The following KCTD7 variants were observed in gnomAD, a reference collection of about 807,000 sequenced individuals.
KCTD7 encodes BTB/POZ domain-containing protein KCTD7.
KCTD7 carries 15 observed loss-of-function variants against 27.0 expected under a neutral mutation model. The observed-to-expected ratio is 0.56, with a 90% confidence interval of 0.37 to 0.86. The LOEUF (loss-of-function observed/expected upper bound fraction) is 0.86. Ranked by LOEUF, KCTD7 falls within the 40% of genes least tolerant of loss-of-function variation. The pLI, the probability that KCTD7 is intolerant of heterozygous loss-of-function variation, is 0.00. For missense variants in KCTD7, 299 were observed against 398.9 expected (o/e 0.75, Z 2.13); for synonymous variants, 159 against 162.7 (o/e 0.98, Z 0.17).
Position 66,629,110 on chromosome 7 carries a change from G to T in KCTD7, c.46G>T (p.Gly16Cys), listed in dbSNP as rs1450028260. The change falls in exon 1 of 4, where the codon GGT becomes TGT. Residue 16 changes from glycine (G) to cysteine (C), a missense_variant. By Grantham distance (159) the Gly-to-Cys change is radical. Coordinates refer to ENST00000639828, the MANE Select transcript of KCTD7 (RefSeq NM_153033.5). ...GGAGCCAGACAGCCGTCGTCAGGAC[G>T]GTGCCATGTCCAGCTCTGACGCCGA... ...GREPDSRRQD[G>C]AMSSSDAEDD... The T allele has an allele frequency of 1.9e-6, 3 of 1,542,878 alleles. No individual in the cohort carries two copies. The Admixed American group carries it at 5.9e-5, about 30-fold the overall frequency.
At chr7:66,638,709 C>T in intron 3 of KCTD7, 147 bp from the exon 4 acceptor site, 8 of 998,142 alleles carry the variant, frequency 8.0e-6, no homozygotes, top group Non-Finnish European at 1.2e-5. Context: ...AAGTTTGTGC[C>T]CTTCATTGGC....
intron 2 of KCTD7, among the ~76,000 whole-genome samples, chr7:66,635,139 A>G (rs753814755): frequency 2.6e-5 from 4 of 151,718 alleles, no homozygotes; most frequent in Non-Finnish European, 5.9e-5. Flanking sequence ...CAGTTTCCCA[A>G]GTAGCTGGGA....
Position 66,634,113 on chromosome 7 carries a change from CATAT to C in KCTD7, c.314+690_314+693del, listed in dbSNP as rs3069693. ...ATATGTATATATGGGTGTGTGTATA[CATAT>C]ATATATATATATATATATATGTATA... On this transcript the variant is annotated intron_variant, in intron 2 of 3. Transcript: ENST00000639828. Among the ~76,000 whole-genome samples the C allele has an allele frequency of 3.1e-3, 416 of 132,242 alleles. 3 individuals carry two copies. The highest frequency in any genetic ancestry group is 8.8e-3 in the South Asian group (38 of 4,336). 86.8% of individuals were successfully genotyped at this position (132,242 alleles called of 152,430 possible). A position where few individuals can be genotyped will look rare whatever the true frequency, so the allele number is the denominator to read the frequency against.
chr7:66,634,630 A>G (rs1270172242), intron 2 of KCTD7, among the ~76,000 whole-genome samples: 3 of 152,168 alleles, frequency 2.0e-5, no homozygotes, highest in African/African-American at 7.2e-5. Flanking sequence ...CAACATGGAG[A>G]GTACCTTTAG....
Position 66,633,384 on chromosome 7 carries a change from A to T in KCTD7, c.254A>T (p.His85Leu). The T allele has an allele frequency of 1.9e-6, 3 of 1,614,118 alleles. No individual in the cohort carries two copies. Among genetic ancestry groups the T allele is most frequent in the Non-Finnish European group, 1.7e-6 (2 of 1,180,010 alleles). The change falls in exon 2 of 4, where the codon CAC (histidine) becomes CTC (leucine). Residue 85 changes from histidine to leucine, a missense_variant. Transcript: ENST00000639828. ...TTGGCAGCCATGTTCAGTGGGCGGC[A>T]CTACATCCCCACGGACTCCGAGGGC... ...TMLAAMFSGRHYIPTDSEGRY... is the reference protein window; with the variant it reads ...TMLAAMFSGRLYIPTDSEGRY...
chr7:66,641,586 C>G lies in KCTD7; in HGVS notation c.*2354C>G, dbSNP rs1324141086. The G allele has an allele frequency of 2.0e-6, 2 of 985,342 alleles. No individual in the cohort carries two copies. The highest frequency in any genetic ancestry group is 3.5e-5 in the African/African-American group (2 of 57,236). The allele number at this position is 985,342 out of a possible 1,614,324, so 61.0% of individuals were successfully genotyped here. A position where few individuals can be genotyped will look rare whatever the true frequency, so the allele number is the denominator to read the frequency against. ...TCTCTCGCTGGAGAAATCCCTGTTT[C>G]TCTGACTCCCTTTGTGATCCTCACA... On this transcript the variant is annotated 3_prime_UTR_variant, in exon 4 of 4. Coordinates refer to ENST00000639828, the MANE Select transcript of KCTD7 (RefSeq NM_153033.5).
At position 66,639,638 on chromosome 7, in the gene KCTD7, C is replaced by T. The variant is rs1786668295; in HGVS notation, c.*406C>T. 7.5e-7 allele frequency: 1 copy of T among 1,341,702 alleles called. No homozygotes were observed. The highest frequency in any genetic ancestry group is 9.6e-7 in the Non-Finnish European group (1 of 1,043,794). 83.1% of individuals were successfully genotyped at this position (1,341,702 alleles called of 1,614,324 possible). A position where few individuals can be genotyped will look rare whatever the true frequency, so the allele number is the denominator to read the frequency against. Reference sequence around the variant, plus strand: ...ACTTCCTCAACCCTGTTCAAGCGTCCCTCCCTTGTGCTCAGTATATTGGTG... The same window carrying T: ...ACTTCCTCAACCCTGTTCAAGCGTCTCTCCCTTGTGCTCAGTATATTGGTG... On this transcript the variant is annotated 3_prime_UTR_variant, in exon 4 of 4. Coordinates refer to ENST00000639828, the MANE Select transcript of KCTD7 (RefSeq NM_153033.5).
chr7:66,642,089 G>A lies in KCTD7; in HGVS notation c.*2857G>A. The stretch of plus-strand genomic sequence containing the variant: ...GCAAAGTGAAAGTTTCAGGAGATGG[G>A]ACCAATGGTGCAATGCTCGCCATAA... On this transcript the variant is annotated 3_prime_UTR_variant, in exon 4 of 4. Coordinates refer to ENST00000639828, the MANE Select transcript of KCTD7 (RefSeq NM_153033.5). The A allele has an allele frequency of 2.0e-6, 2 of 985,330 alleles. No individual in the cohort carries two copies. The highest frequency in any genetic ancestry group is 2.4e-6 in the Non-Finnish European group (2 of 829,924). 61.0% of individuals were successfully genotyped at this position (985,330 alleles called of 1,614,324 possible).
chr7:66,641,553 C>T lies in KCTD7; in HGVS notation c.*2321C>T, dbSNP rs947129243. The T allele has an allele frequency of 3.2e-5, 32 of 985,284 alleles. No homozygotes were observed. In the African/African-American group the frequency reaches 3.7e-4, roughly 11 times the overall value. 61.0% of individuals were successfully genotyped at this position (985,284 alleles called of 1,614,324 possible). On this transcript the variant is annotated 3_prime_UTR_variant, in exon 4 of 4. Coordinates refer to ENST00000639828, the MANE Select transcript of KCTD7 (RefSeq NM_153033.5). The stretch of plus-strand genomic sequence containing the variant: ...TTACAGGGATGCTGGGTAAGAACAC[C>T]GTTCCTCTCTCTCGCTGGAGAAATC...
chr7:66,629,583 G>A (rs1209480354), intron 1 of KCTD7, among the ~76,000 whole-genome samples: 1 of 152,086 alleles, frequency 6.6e-6, no homozygotes, highest in Non-Finnish European at 1.5e-5. Context: ...CGTAGCTCGA[G>A]CCTGTAATCC....
In KCTD7 at chr7:66,641,171, TA is replaced by T. The variant is rs139202760; in HGVS notation, c.*1940del. 383 of 985,368 alleles carry T rather than the reference TA, an allele frequency of 3.9e-4. 8 individuals carry two copies. The East Asian group carries it at 0.028, about 72-fold the overall frequency. 61.0% of individuals were successfully genotyped at this position (985,368 alleles called of 1,614,324 possible). A position where few individuals can be genotyped will look rare whatever the true frequency, so the allele number is the denominator to read the frequency against. ...TCTATTGTTCTCGTACACAAAGGGA[TA>T]GTCTCTTTTCTGGAGCTGATGTCCC... On this transcript the variant is annotated 3_prime_UTR_variant, in exon 4 of 4. Transcript: ENST00000639828.
In KCTD7 at chr7:66,640,443, C is replaced by G; in HGVS notation, c.*1211C>G. ...CTGTTACTACTGCATTTCCTTCTTG[C>G]TCTGTCTACAGCCTAGGCCAACTAG... On this transcript the variant is annotated 3_prime_UTR_variant, in exon 4 of 4. Coordinates refer to ENST00000639828, the MANE Select transcript of KCTD7 (RefSeq NM_153033.5). 1.3e-6 allele frequency: 2 copies of G among 1,537,286 alleles called. No homozygotes were observed.
rs1786672948 is a variant in KCTD7 at position 66,639,827 on chromosome 7, C to A, written c.*595C>A. 1.6e-6 allele frequency: 2 copies of A among 1,248,710 alleles called. No homozygotes were observed. Among genetic ancestry groups the A allele is most frequent in the East Asian group, 6.1e-5 (2 of 32,876 alleles). The allele number at this position is 1,248,710 out of a possible 1,614,324, so 77.4% of individuals were successfully genotyped here. ...TTTTCTTTTCCTTCCGGAACATGTT[C>A]TTCACCACCTTTTGGAGATTTAACC... On this transcript the variant is annotated 3_prime_UTR_variant, in exon 4 of 4. Transcript: ENST00000639828.
Position 66,638,878 on chromosome 7 carries a change from G to A in KCTD7, c.516G>A (p.Glu172=). 1 of 1,614,176 alleles carries A rather than the reference G, an allele frequency of 6.2e-7. No individual in the cohort carries two copies. The highest frequency in any genetic ancestry group is 8.5e-7 in the Non-Finnish European group (1 of 1,180,036). ...YYKDHLERIV[E]IARLRAVQRK... is the part of the protein sequence containing the mutation. ...TAGACCACTTGGAGCGGATTGTGGA[G>A]ATCGCCCGGCTGCGTGCGGTCCAGC... Residue 172 remains glutamate, a synonymous_variant, in exon 4 of 4, where the codon GAG becomes GAA. Coordinates refer to ENST00000639828, the MANE Select transcript of KCTD7 (RefSeq NM_153033.5).
Position 66,628,926 on chromosome 7 carries a change from G to T in KCTD7, c.-139G>T. On this transcript the variant is annotated 5_prime_UTR_variant, in exon 1 of 4. Coordinates refer to ENST00000639828, the MANE Select transcript of KCTD7 (RefSeq NM_153033.5). ...GCGTTGAGGGAGCCACCGCCCTCCC[G>T]CCTGCGCACTGCCTCTCGCCCCCCT... 3.6e-6 allele frequency: 3 copies of T among 833,360 alleles called. No individual in the cohort carries two copies. The highest frequency in any genetic ancestry group is 5.0e-6 in the Non-Finnish European group (3 of 602,884). The allele number at this position is 833,360 out of a possible 1,614,324, so 51.6% of individuals were successfully genotyped here.
At chr7:66,638,816 C>A in intron 3 of KCTD7, 40 bp from the exon 4 acceptor site, 1 of 1,612,566 alleles carries the variant, frequency 6.2e-7, no homozygotes, top group South Asian at 1.1e-5. Context: ...CCTGTCCTGC[C>A]TCTTCACCCT....
At chr7:66,634,113 C>CATATATATATATACAT (rs1786519753) in intron 2 of KCTD7, among the ~76,000 whole-genome samples, 1 of 132,260 alleles carries the variant, frequency 7.6e-6, no homozygotes, top group African/African-American at 3.0e-5. Flanking sequence ...TGTGTGTATA[C>CATATATATATATACAT]ATATATATAT....
chr7:66,640,740 G>T lies in KCTD7; in HGVS notation c.*1508G>T. ...AGCTACTCTGGAGGCTGAGGCAGGA[G>T]GATCACTTGAGCCCAGGAGATTAAG... is the stretch of plus-strand genomic sequence containing the variant. On this transcript the variant is annotated 3_prime_UTR_variant, in exon 4 of 4. Transcript: ENST00000639828. 1 of 1,099,956 alleles carries T rather than the reference G, an allele frequency of 9.1e-7. No individual in the cohort carries two copies. The highest frequency in any genetic ancestry group is 1.1e-6 in the Non-Finnish European group (1 of 901,770). The allele number at this position is 1,099,956 out of a possible 1,614,324, so 68.1% of individuals were successfully genotyped here.
In KCTD7 at chr7:66,639,394, C is replaced by T; in HGVS notation, c.*162C>T. ...CAGGGGACAGAGGTGTAGCTCCAATCTCCCTGACTGCACCTCAGGGTTGGG... is the reference window on the plus strand; with the variant it reads ...CAGGGGACAGAGGTGTAGCTCCAATTTCCCTGACTGCACCTCAGGGTTGGG... On this transcript the variant is annotated 3_prime_UTR_variant, in exon 4 of 4. Transcript: ENST00000639828. The T allele has an allele frequency of 4.0e-6, 6 of 1,513,946 alleles. No homozygotes were observed. The highest frequency in any genetic ancestry group is 5.3e-6 in the Non-Finnish European group (6 of 1,134,096). 93.8% of individuals were successfully genotyped at this position (1,513,946 alleles called of 1,614,324 possible). A position where few individuals can be genotyped will look rare whatever the true frequency, so the allele number is the denominator to read the frequency against.
Sources: gnomAD v4.1 joint callset for allele counts (sites outside exome capture counted in the v4.1 genomes callset) on GRCh38, gnomAD v4.1.1 for gene constraint, MANE v1.5 for transcripts, NCBI Gene and HGNC (gene_info 2026-07-23, HGNC 2026-07-21) for gene names.